The following TAFA1 variants were observed in gnomAD, a reference collection of about 807,000 sequenced individuals.
TAFA1 encodes TAFA chemokine like family member 1.
A neutral mutation model predicts 18.5 loss-of-function variants in TAFA1; 4 were observed. That is an observed-to-expected ratio of 0.22 (90% confidence interval 0.11 to 0.49). The LOEUF is 0.49. TAFA1 is among the 20% of genes least tolerant of loss of function. The pLI is 0.98. For synonymous variants in TAFA1, 56 were observed against 55.2 expected (o/e 1.01, Z -0.06); for missense variants, 147 against 169.0 (o/e 0.87, Z 0.72).
chr3:68,532,138 A>G (rs1575956624), intron 3 of TAFA1, among the ~76,000 whole-genome samples: 2 of 152,224 alleles, frequency 1.3e-5, no homozygotes, highest in Non-Finnish European at 2.9e-5. Flanking sequence ...GTACATAGAC[A>G]TGGGAGTCCC....
At chr3:68,183,662 C>G (rs573763763) in intron 2 of TAFA1, among the ~76,000 whole-genome samples, 1 of 152,226 alleles carries the variant, frequency 6.6e-6, no homozygotes, top group African/African-American at 2.4e-5. Context: ...TCATGCATCA[C>G]TTTTGAATTT....
intron 3 of TAFA1, among the ~76,000 whole-genome samples, chr3:68,522,291 C>G (rs2073040031): frequency 6.6e-6 from 1 of 152,092 alleles, no homozygotes; most frequent in Non-Finnish European, 1.5e-5. Context: ...TTCCTCACTA[C>G]AAATTCTCAA....
At chr3:68,335,369 A>G (rs956156558) in intron 2 of TAFA1, among the ~76,000 whole-genome samples, 5 of 152,198 alleles carry the variant, frequency 3.3e-5, no homozygotes, top group Admixed American at 6.5e-5. Flanking sequence ...GAGTCTTTCT[A>G]TGGTACCACT....
intron 2 of TAFA1, among the ~76,000 whole-genome samples, chr3:68,061,573 A>T (rs1407128821): frequency 3.9e-5 from 6 of 152,210 alleles, no homozygotes; most frequent in Non-Finnish European, 7.3e-5. Context: ...TTATCACATC[A>T]CTGAAAGCTG....
intron 3 of TAFA1, among the ~76,000 whole-genome samples, chr3:68,482,034 G>A (rs1405196094): frequency 2.0e-5 from 3 of 152,172 alleles, no homozygotes; most frequent in African/African-American, 4.8e-5. Flanking sequence ...TTTCTGAGAC[G>A]GAGTCTCGCT....
intron 2 of TAFA1, among the ~76,000 whole-genome samples, chr3:68,245,224 C>T (rs1458726963): frequency 6.6e-5 from 10 of 152,178 alleles, no homozygotes; most frequent in Non-Finnish European, 2.9e-5. Context: ...TTTGACAATA[C>T]ACTTTGTCGT....
chr3:68,200,624 T>C, intron 2 of TAFA1, among the ~76,000 whole-genome samples: 1 of 151,630 alleles, frequency 6.6e-6, no homozygotes, highest in South Asian at 2.1e-4. Context: ...CATTGAGTTG[T>C]ACACAATCTT....
chr3:68,360,167 T>C (rs537277870), intron 2 of TAFA1, among the ~76,000 whole-genome samples: 3 of 152,082 alleles, frequency 2.0e-5, no homozygotes, highest in African/African-American at 7.2e-5. Context: ...TCATGCTAAA[T>C]GTCGTGGTGA....
At chr3:68,082,303 G>A (rs927431451) in intron 2 of TAFA1, among the ~76,000 whole-genome samples, 1 of 152,312 alleles carries the variant, frequency 6.6e-6, no homozygotes, top group Middle Eastern at 3.4e-3. Context: ...GCTGTAGACC[G>A]GAGCTGTTCC....
At chr3:68,123,548 C>A (rs1453987509) in intron 2 of TAFA1, among the ~76,000 whole-genome samples, 1 of 152,100 alleles carries the variant, frequency 6.6e-6, no homozygotes, top group Non-Finnish European at 1.5e-5. Flanking sequence ...TCTGGTAAGA[C>A]TTTTTCACTT....
chr3:68,078,564 A>G (rs996483984), intron 2 of TAFA1, among the ~76,000 whole-genome samples: 1 of 152,118 alleles, frequency 6.6e-6, no homozygotes, highest in African/African-American at 2.4e-5. Flanking sequence ...ATCTATTGAG[A>G]TAATCATGTG....
intron 3 of TAFA1, among the ~76,000 whole-genome samples, chr3:68,448,127 A>G (rs1174066005): frequency 1.3e-5 from 2 of 152,170 alleles, no homozygotes; most frequent in African/African-American, 4.8e-5. Context: ...CCCTGGGGTC[A>G]TCTCCTAGTA....
intron 2 of TAFA1, among the ~76,000 whole-genome samples, chr3:68,315,504 T>G (rs2106691514): frequency 6.6e-6 from 1 of 152,296 alleles, no homozygotes; most frequent in South Asian, 2.1e-4. Context: ...GATACATTAC[T>G]CGGTTCACTT....
At chr3:68,181,121 C>T (rs115201364) in intron 2 of TAFA1, among the ~76,000 whole-genome samples, 1,879 of 152,252 alleles carry the variant, frequency 0.012, 48 homozygotes, top group African/African-American at 0.043. Context: ...CCAACAAGCA[C>T]ATGAGTGAGT....
intron 2 of TAFA1, among the ~76,000 whole-genome samples, chr3:68,312,597 C>T (rs982233472): frequency 5.3e-5 from 8 of 152,184 alleles, no homozygotes; most frequent in African/African-American, 1.9e-4. Context: ...AGTTCTTCAT[C>T]TCCATCTGAT....
intron 2 of TAFA1, among the ~76,000 whole-genome samples, chr3:68,327,798 T>G (rs1424064806): frequency 1.3e-5 from 2 of 152,166 alleles, no homozygotes; most frequent in African/African-American, 4.8e-5. Context: ...AATGAAGGCT[T>G]TTCAAATGGA....
intron 2 of TAFA1, among the ~76,000 whole-genome samples, chr3:68,400,122 C>G (rs1319079170): frequency 2.6e-5 from 4 of 152,150 alleles, no homozygotes; most frequent in African/African-American, 9.7e-5. Context: ...CGCTGTTTGG[C>G]CAGGTCACAA....
chr3:68,269,065 G>T (rs2107222731), intron 2 of TAFA1, among the ~76,000 whole-genome samples: 1 of 151,968 alleles, frequency 6.6e-6, no homozygotes, highest in South Asian at 2.1e-4. Context: ...TGATGCTGAT[G>T]CTGCCTGTCC....
At chr3:68,387,588 G>T (rs1282103239) in intron 2 of TAFA1, among the ~76,000 whole-genome samples, 1 of 152,106 alleles carries the variant, frequency 6.6e-6, no homozygotes, top group East Asian at 1.9e-4. Flanking sequence ...ATTATGATGG[G>T]TGCTGGGGAA....
Sources: gnomAD v4.1 joint callset for allele counts (sites outside exome capture counted in the v4.1 genomes callset) on GRCh38, gnomAD v4.1.1 for gene constraint, MANE v1.5 for transcripts, NCBI Gene and HGNC (gene_info 2026-07-23, HGNC 2026-07-21) for gene names.